The following CDKN2B-AS1 variants were observed in gnomAD, a reference collection of about 807,000 sequenced individuals.
CDKN2B-AS1 encodes CDKN2B antisense RNA 1 (non-protein coding).
rs1820725674 is a variant in CDKN2B-AS1 at position 21,997,127 on chromosome 9, T to C, written n.29+1966T>C. Among the ~76,000 whole-genome samples, 1 of 152,220 alleles carries C rather than the reference T, an allele frequency of 6.6e-6. No homozygotes were observed. Among genetic ancestry groups the C allele is most frequent in the South Asian group, 2.1e-4 (1 of 4,832 alleles). ...ATATACAAACCTAGGTGGTATAGTC[T>C]ATTATACATCTAGGCTGTATGGTAT... On this transcript the variant is annotated intron_variant and non_coding_transcript_variant, in intron 1 of 4. Transcript: ENST00000650946. This position sits in a 1 kb window ranked among gnomAD's most constrained non-coding sequence, Gnocchi z 4.8.
chr9:22,089,600 T>C lies in CDKN2B-AS1; in HGVS notation n.438+33213T>C, dbSNP rs143916341. Among the ~76,000 whole-genome samples the C allele has an allele frequency of 7.9e-5, 12 of 151,864 alleles. No homozygotes were observed. In the East Asian group the frequency reaches 2.3e-3, roughly 29 times the overall value. On this transcript the variant is annotated intron_variant and non_coding_transcript_variant, in intron 4 of 4. Coordinates refer to ENST00000650946, the Ensembl canonical transcript of CDKN2B-AS1. ...CACATGCCACCATGCCTGGCTAATA[T>C]CTCTCTTTTCTTTTTTTTTCCCCTT...
intron 1 of CDKN2B-AS1, among the ~76,000 whole-genome samples, chr9:22,040,132 A>T (rs1246517167): frequency 6.6e-6 from 1 of 151,916 alleles, no homozygotes; most frequent in East Asian, 1.9e-4. Flanking sequence ...CTGTGAGACA[A>T]TTTCTCTTTT....
intron 3 of CDKN2B-AS1, among the ~76,000 whole-genome samples, chr9:22,050,657 T>TG (rs1424556342): frequency 7.2e-5 from 11 of 152,200 alleles, no homozygotes; most frequent in Admixed American, 6.5e-4. Context: ...AGCAGTTTTC[T>TG]GGCGGTGAAA....
intron 1 of CDKN2B-AS1, among the ~76,000 whole-genome samples, chr9:22,018,487 T>G (rs1821879004): frequency 6.6e-6 from 1 of 151,518 alleles, no homozygotes; most frequent in Admixed American, 6.6e-5. Context: ...CGAAACCCCG[T>G]CTCTACTAAA....
At chr9:22,069,344 T>G (rs932826791) in intron 4 of CDKN2B-AS1, among the ~76,000 whole-genome samples, 14 of 68,360 alleles carry the variant, frequency 2.0e-4, no homozygotes, top group South Asian at 1.5e-3. Flanking sequence ...ACATAGAAAT[T>G]TTTTTCTCGA....
chr9:22,069,842 C>G (rs999339352), intron 4 of CDKN2B-AS1, among the ~76,000 whole-genome samples: 1 of 152,148 alleles, frequency 6.6e-6, no homozygotes, highest in Non-Finnish European at 1.5e-5. Context: ...CTTCCCCAGT[C>G]TCTGGTAACC....
At chr9:22,003,686 C>T (rs1215797832) in intron 1 of CDKN2B-AS1, 1 of 231,232 alleles carries the variant, frequency 4.3e-6, no homozygotes, top group Non-Finnish European at 8.6e-6. Flanking sequence ...TGTCCCTGTG[C>T]TTCAGTTTGA....
chr9:22,075,106 A>G (rs775623524), intron 4 of CDKN2B-AS1, among the ~76,000 whole-genome samples: 2 of 152,246 alleles, frequency 1.3e-5, no homozygotes, highest in East Asian at 3.8e-4. Context: ...TGATTTAAAG[A>G]GAAATATTAA....
chr9:22,102,523 A>G (rs2131357632), intron 4 of CDKN2B-AS1, among the ~76,000 whole-genome samples: 1 of 152,224 alleles, frequency 6.6e-6, no homozygotes, highest in Admixed American at 6.5e-5. Flanking sequence ...CTTGGGGAGA[A>G]TCTGTTCCTT....
chr9:22,070,909 T>G (rs1416974591), intron 4 of CDKN2B-AS1, among the ~76,000 whole-genome samples: 5 of 152,088 alleles, frequency 3.3e-5, no homozygotes, highest in Admixed American at 6.6e-5. Context: ...GGATTTGAAT[T>G]TAGGAAGATG....
At chr9:22,063,010 G>T (rs577007709) in intron 4 of CDKN2B-AS1, among the ~76,000 whole-genome samples, 2,612 of 105,144 alleles carry the variant, frequency 0.025, 45 homozygotes, top group East Asian at 0.15. Flanking sequence ...GAGAGAGAGA[G>T]AGAGAGAGAG....
At chr9:22,052,289 A>G (rs890374071) in intron 3 of CDKN2B-AS1, among the ~76,000 whole-genome samples, 3 of 152,182 alleles carry the variant, frequency 2.0e-5, no homozygotes, top group Non-Finnish European at 4.4e-5. Context: ...TGGTCCCTAG[A>G]GCATAGCAGG....
rs1173903290 is a variant in CDKN2B-AS1, at chr9:22,015,779, T to C, written n.29+20618T>C. Among the ~76,000 whole-genome samples the C allele has an allele frequency of 6.6e-5, 10 of 152,356 alleles. No homozygotes were observed. The East Asian group carries it at 1.9e-3, about 29-fold the overall frequency. On this transcript the variant is annotated intron_variant and non_coding_transcript_variant, in intron 1 of 4. Transcript: ENST00000650946. The stretch of plus-strand genomic sequence containing the variant: ...CATTAGTTTCCTGACTGTTTAATGA[T>C]TGCCATTCTAACTGGTGTGAGATGG...
intron 4 of CDKN2B-AS1, among the ~76,000 whole-genome samples, chr9:22,126,594 T>TC (rs1322391964): frequency 6.7e-6 from 1 of 149,288 alleles, no homozygotes; most frequent in East Asian, 1.9e-4. Context: ...TTTTTTTTTT[T>TC]TGAGACGGAG....
At chr9:22,051,176 A>C (rs1381615302) in intron 3 of CDKN2B-AS1, among the ~76,000 whole-genome samples, 1 of 151,916 alleles carries the variant, frequency 6.6e-6, no homozygotes, top group East Asian at 1.9e-4. Context: ...CTGCTCCTTT[A>C]AGGGGCCCCC....
chr9:22,062,289 A>G (rs2131300250), intron 4 of CDKN2B-AS1, among the ~76,000 whole-genome samples: 1 of 152,362 alleles, frequency 6.6e-6, no homozygotes, highest in Middle Eastern at 3.4e-3. Flanking sequence ...ACAGAAAGTT[A>G]GTAGTTTTCA....
At chr9:22,119,886 ACCAACAT>A (rs1357022609) in intron 4 of CDKN2B-AS1, 1 of 152,228 alleles carries the variant, frequency 6.6e-6, no homozygotes, top group Non-Finnish European at 1.5e-5. Context: ...TAAAACAATA[ACCAACAT>A]CCCAAACCCA....
intron 1 of CDKN2B-AS1, among the ~76,000 whole-genome samples, chr9:22,014,090 G>T (rs753132234): frequency 6.6e-6 from 1 of 152,106 alleles, no homozygotes; most frequent in Middle Eastern, 3.2e-3. Context: ...TTTTCTTGGG[G>T]ATGGCAAAAT....
At chr9:22,043,943 G>A (rs1204991808) in intron 1 of CDKN2B-AS1, among the ~76,000 whole-genome samples, 3 of 151,886 alleles carry the variant, frequency 2.0e-5, no homozygotes, top group African/African-American at 7.2e-5. Flanking sequence ...AATGGCAAAA[G>A]AAAATACAGA....
Sources: gnomAD v4.1 joint callset for allele counts (sites outside exome capture counted in the v4.1 genomes callset) on GRCh38, gnomAD v4.1.1 for gene constraint, Gnocchi (gnomAD v3.1) non-coding constraint, MANE v1.5 for transcripts, NCBI Gene and HGNC (gene_info 2026-07-23, HGNC 2026-07-21) for gene names.